Variants in SPECC1L observed in about 807,000 individuals in gnomAD.
SPECC1L encodes the protein sperm antigen with calponin homology and coiled-coil domains 1 like.
Under a neutral mutation model 116.8 loss-of-function variants are expected in SPECC1L, and 40 were observed. The observed-to-expected ratio is 0.34, with a 90% confidence interval of 0.27 to 0.45. The LOEUF is 0.45. SPECC1L is among the 20% of genes least tolerant of loss of function. The pLI, the probability that SPECC1L is intolerant of heterozygous loss-of-function variation, is 1.00. For missense variants in SPECC1L, 1,110 were observed against 1,373.6 expected, an observed-to-expected ratio of 0.81 and a Z score of 3.03; for synonymous variants, 504 against 500.6, an observed-to-expected ratio of 1.01 and a Z score of -0.09.
chr22:24,293,133 T>G (rs371884599), intron 2 of SPECC1L, among the ~76,000 whole-genome samples: 77 of 152,198 alleles, frequency 5.1e-4, no homozygotes, highest in Middle Eastern at 6.8e-3. Flanking sequence ...TTTTCAACAT[T>G]TCTGCATGTT....
Position 24,406,554 on chromosome 22 carries a change from G to A in SPECC1L, c.3088-5034G>A, listed in dbSNP as rs1307020788. Among the ~76,000 whole-genome samples, 5 of 152,192 alleles carry A rather than the reference G, an allele frequency of 3.3e-5. No homozygotes were observed. In the East Asian group the frequency reaches 9.6e-4, roughly 29 times the overall value. On this transcript the variant is annotated intron_variant, in intron 14 of 16. Coordinates refer to ENST00000314328, the MANE Select transcript of SPECC1L (RefSeq NM_015330.6). ...GAGCCCACTGTGGTCTGGGTTTGGG[G>A]ATAGCTGGCGGGTTGTGTGCATGGT...
intron 14 of SPECC1L, among the ~76,000 whole-genome samples, chr22:24,374,826 A>G (rs2041940853): frequency 6.6e-6 from 1 of 152,102 alleles, no homozygotes; most frequent in African/African-American, 2.4e-5. Flanking sequence ...AATAAGCAGA[A>G]GGAAGGAAAT....
intron 13 of SPECC1L, among the ~76,000 whole-genome samples, chr22:24,368,693 C>T (rs572599004): frequency 1.3e-5 from 2 of 152,284 alleles, no homozygotes; most frequent in Admixed American, 1.3e-4. Context: ...GTTGCCCAGG[C>T]TGGAGTGCAA....
chr22:24,334,346 G>A, intron 8 of SPECC1L, 64 bp from the exon 9 acceptor site: 1 of 1,558,940 alleles, frequency 6.4e-7, no homozygotes, highest in Admixed American at 1.7e-5. Flanking sequence ...TTTCAGCTGG[G>A]AGGGGAAAAT....
Position 24,371,633 on chromosome 22 carries a change from C to T in SPECC1L, c.3087+2313C>T, listed in dbSNP as rs1030789331. On this transcript the variant is annotated intron_variant, in intron 14 of 16. Transcript: ENST00000314328. ...TAATCACAAGGGAAATTAGAAAATG[C>T]TCTGAGAACAAAAATGAACGCAGCA... Among the ~76,000 whole-genome samples, 4 of 152,110 alleles carry T rather than the reference C, an allele frequency of 2.6e-5. No individual in the cohort carries two copies. The East Asian group carries it at 5.8e-4, about 22-fold the overall frequency.
chr22:24,402,650 TG>T (rs2042502671), intron 14 of SPECC1L, among the ~76,000 whole-genome samples: 1 of 152,166 alleles, frequency 6.6e-6, no homozygotes, highest in Non-Finnish European at 1.5e-5. Flanking sequence ...AAGGTGGACC[TG>T]GGGACAGCGC....
chr22:24,278,386 A>G (rs2048877649), intron 2 of SPECC1L, among the ~76,000 whole-genome samples: 1 of 152,038 alleles, frequency 6.6e-6, no homozygotes, highest in Non-Finnish European at 1.5e-5. Context: ...AAGTGGGATG[A>G]TATTTTTGAC....
intron 14 of SPECC1L, among the ~76,000 whole-genome samples, chr22:24,395,861 G>C (rs1179149182): frequency 6.6e-6 from 1 of 152,104 alleles, no homozygotes; most frequent in African/African-American, 2.4e-5. Context: ...GGCTGGTCTC[G>C]AACTCTTGGC....
At chr22:24,402,421 A>G (rs565186941) in intron 14 of SPECC1L, among the ~76,000 whole-genome samples, 15 of 151,828 alleles carry the variant, frequency 9.9e-5, no homozygotes, top group African/African-American at 3.4e-4. Flanking sequence ...CTCCCACCAT[A>G]CTACACAGAA....
intron 1 of SPECC1L, among the ~76,000 whole-genome samples, chr22:24,271,511 T>C (rs566996867): frequency 6.6e-6 from 1 of 152,382 alleles, no homozygotes; most frequent in African/African-American, 2.4e-5. Context: ...CGGAACGTCC[T>C]TTTTTCTTGA....
At chr22:24,306,031 G>A (rs553999634) in intron 3 of SPECC1L, among the ~76,000 whole-genome samples, 110 of 151,622 alleles carry the variant, frequency 7.3e-4, no homozygotes, top group Middle Eastern at 6.8e-3. Context: ...TCAGCCTCCC[G>A]AGTAGCTGGG....
intron 11 of SPECC1L, among the ~76,000 whole-genome samples, chr22:24,351,905 C>T (rs1048807527): frequency 6.6e-6 from 1 of 151,878 alleles, no homozygotes; most frequent in South Asian, 2.1e-4. Context: ...TGGAGAATGG[C>T]GTGAACCCGG....
At chr22:24,313,555 T>C (rs2040501088) in intron 4 of SPECC1L, 89 bp downstream of exon 4, 4 of 1,447,860 alleles carry the variant, frequency 2.8e-6, no homozygotes, top group South Asian at 1.2e-5. Context: ...CATCTAATTA[T>C]AGGAAATTTT....
chr22:24,294,425 A>C (rs1445608995), intron 2 of SPECC1L, among the ~76,000 whole-genome samples: 3 of 143,792 alleles, frequency 2.1e-5, no homozygotes, highest in African/African-American at 5.3e-5. Flanking sequence ...TTTGTTGCCC[A>C]GGCTGGAGTG....
chr22:24,406,162 C>T (rs1601361841), intron 14 of SPECC1L, among the ~76,000 whole-genome samples: 2 of 152,316 alleles, frequency 1.3e-5, no homozygotes, highest in Admixed American at 1.3e-4. Context: ...CCTGTTGCCA[C>T]CTTAGAAAGC....
At chr22:24,361,695 C>T (rs2041647594) in intron 11 of SPECC1L, among the ~76,000 whole-genome samples, 1 of 151,670 alleles carries the variant, frequency 6.6e-6, no homozygotes, top group Non-Finnish European at 1.5e-5. Flanking sequence ...ACTTGGGAGG[C>T]TGAGGCAGGA....
At chr22:24,401,311 C>G (rs1485272840) in intron 14 of SPECC1L, among the ~76,000 whole-genome samples, 1 of 152,160 alleles carries the variant, frequency 6.6e-6, no homozygotes, top group African/African-American at 2.4e-5. Flanking sequence ...TTGGTTCCTT[C>G]CCCATCCTGT....
rs369696685 is a variant in SPECC1L, at chr22:24,322,931, T to C, written c.1938+13T>C. The stretch of plus-strand genomic sequence containing the variant: ...TGCCATTGCTAAGGTATTGTTTAAA[T>C]AGATTAAAATGTTCCGGACAGCATT... On this transcript the variant is annotated intron_variant, in intron 5 of 16. Coordinates refer to ENST00000314328, the MANE Select transcript of SPECC1L (RefSeq NM_015330.6). The C allele has an allele frequency of 8.7e-6, 14 of 1,613,566 alleles. No individual in the cohort carries two copies. The African/African-American group carries it at 1.5e-4, about 17-fold the overall frequency.
chr22:24,286,074 C>G (rs1426454691), intron 2 of SPECC1L, among the ~76,000 whole-genome samples: 5 of 152,180 alleles, frequency 3.3e-5, no homozygotes, highest in Admixed American at 6.5e-5. Flanking sequence ...TTCTCAGAGG[C>G]ATGTATATGT....
Sources: gnomAD v4.1 joint callset for allele counts (sites outside exome capture counted in the v4.1 genomes callset) on GRCh38, gnomAD v4.1.1 for gene constraint, MANE v1.5 for transcripts, NCBI Gene and HGNC (gene_info 2026-07-23, HGNC 2026-07-21) for gene names.